AKIRIN2: variants seen among roughly 807,000 people sequenced by gnomAD.
AKIRIN2 encodes the protein akirin 2, also known as akirin-2.
In AKIRIN2, 6 loss-of-function variants were observed where a neutral mutation model predicts 29.3. The observed-to-expected ratio is 0.20, with a 90% CI of 0.11 to 0.40. The LOEUF (loss-of-function observed/expected upper bound fraction) is 0.40, where lower values mean the gene tolerates loss of function less well. Ranked by LOEUF, AKIRIN2 falls within the 10% of genes least tolerant of loss-of-function variation. AKIRIN2 has a pLI of 1.00. For synonymous variants in AKIRIN2, 128 were observed against 117.5 expected (o/e 1.09, Z -0.58); for missense variants, 210 against 276.1 (o/e 0.76, Z 1.70).
rs771548283 is a variant in AKIRIN2 at position 87,675,819 on chromosome 6, G to C, written c.601+41C>G. 3.2e-6 allele frequency: 5 copies of C among 1,559,844 alleles called. No individual in the cohort carries two copies. The African/African-American group carries it at 5.5e-5, about 17-fold the overall frequency. ...TATAATGTCTTCTCCTTAAAAGACA[G>C]TCTTATTTTCAGTTTATAACTTCAA... On this transcript the variant is annotated intron_variant, in intron 4 of 4. Coordinates refer to ENST00000257787, the MANE Select transcript of AKIRIN2 (RefSeq NM_018064.4).
intron 1 of AKIRIN2, among the ~76,000 whole-genome samples, chr6:87,699,111 A>G (rs1771418316): frequency 6.6e-6 from 1 of 152,186 alleles, no homozygotes; most frequent in Non-Finnish European, 1.5e-5. Flanking sequence ...TACTCATTTT[A>G]GTTAATGACA....
chr6:87,691,490 T>TA (rs1771278139), intron 1 of AKIRIN2, among the ~76,000 whole-genome samples: 2 of 118,804 alleles, frequency 1.7e-5, no homozygotes, highest in South Asian at 5.8e-4. Context: ...TGGCTGCAAC[T>TA]AAAGAGGAAC....
Position 87,677,331 on chromosome 6 carries a change from T to A in AKIRIN2, c.529+487A>T, listed in dbSNP as rs150787890. Among the ~76,000 whole-genome samples the A allele has an allele frequency of 6.0e-3, 921 of 152,292 alleles. 2 individuals are homozygous for A. The highest frequency in any genetic ancestry group is 0.023 in the South Asian group (113 of 4,826). ...TAAAATAAAAAAGCTTACATATCTATATAAACAGTAAATCTGTGGCTAAAC... is the reference window on the plus strand; with the variant it reads ...TAAAATAAAAAAGCTTACATATCTAAATAAACAGTAAATCTGTGGCTAAAC... On this transcript the variant is annotated intron_variant, in intron 3 of 4. Coordinates refer to ENST00000257787, the MANE Select transcript of AKIRIN2 (RefSeq NM_018064.4).
At chr6:87,694,483 C>CT (rs1771328191) in intron 1 of AKIRIN2, among the ~76,000 whole-genome samples, 1 of 152,120 alleles carries the variant, frequency 6.6e-6, no homozygotes. Context: ...CTAGCCAGTG[C>CT]AGTATCTAGA....
intron 2 of AKIRIN2, 113 bp downstream of exon 2, chr6:87,681,507 T>A: frequency 9.5e-7 from 1 of 1,054,804 alleles, no homozygotes; most frequent in Non-Finnish European, 1.3e-6. Context: ...CTTGTATAAA[T>A]GTTTTTTTAA....
chr6:87,689,977 C>T (rs1480376304), intron 1 of AKIRIN2, among the ~76,000 whole-genome samples: 1 of 152,116 alleles, frequency 6.6e-6, no homozygotes, highest in African/African-American at 2.4e-5. Flanking sequence ...TTTGGGAGGC[C>T]AAGGCAGTTG....
chr6:87,675,943 G>A lies in AKIRIN2; in HGVS notation c.530-12C>T, dbSNP rs750060522. 3 of 1,602,426 alleles carry A rather than the reference G, an allele frequency of 1.9e-6. No individual in the cohort carries two copies. The highest frequency in any genetic ancestry group is 1.1e-5 in the South Asian group (1 of 88,286). Reference sequence around the variant, plus strand: ...CGCATCATATTGTTCTATAAATAAAGGTACTTGTCAATTACATTTGTAAAA... The same window carrying A: ...CGCATCATATTGTTCTATAAATAAAAGTACTTGTCAATTACATTTGTAAAA... On this transcript the variant is annotated splice_polypyrimidine_tract_variant and intron_variant, in intron 3 of 4. Coordinates refer to ENST00000257787, the MANE Select transcript of AKIRIN2 (RefSeq NM_018064.4).
chr6:87,676,596 A>AACACACGCACGCGCGCACACACACAC (rs1485678233), intron 3 of AKIRIN2, among the ~76,000 whole-genome samples: 11 of 142,046 alleles, frequency 7.7e-5, no homozygotes, highest in African/African-American at 2.7e-4. Context: ...CTCTACTAAA[A>AACACACGCACGCGCGCACACACACAC]ACACACACAC....
At chr6:87,686,659 T>C (rs142169121) in intron 1 of AKIRIN2, among the ~76,000 whole-genome samples, 1 of 152,226 alleles carries the variant, frequency 6.6e-6, no homozygotes, top group African/African-American at 2.4e-5. Context: ...TACCATTTTA[T>C]AGGTCAATAC....
intron 1 of AKIRIN2, among the ~76,000 whole-genome samples, chr6:87,694,692 T>C (rs868099505): frequency 2.0e-5 from 3 of 152,108 alleles, no homozygotes; most frequent in Non-Finnish European, 4.4e-5. Flanking sequence ...CTGTGACACT[T>C]GTGACAGATA....
chr6:87,680,197 GC>G (rs972550501), intron 2 of AKIRIN2, among the ~76,000 whole-genome samples: 1 of 151,716 alleles, frequency 6.6e-6, no homozygotes, highest in African/African-American at 2.4e-5. Context: ...CTAATACCTG[GC>G]CCCCACAATG....
At chr6:87,693,493 G>A (rs920802836) in intron 1 of AKIRIN2, among the ~76,000 whole-genome samples, 1 of 152,098 alleles carries the variant, frequency 6.6e-6, no homozygotes. Flanking sequence ...ACTGTGGCAG[G>A]CCCAGACGGG....
chr6:87,687,343 G>T (rs574356823), intron 1 of AKIRIN2, among the ~76,000 whole-genome samples: 29 of 146,312 alleles, frequency 2.0e-4, no homozygotes, highest in African/African-American at 6.6e-4. Context: ...GGGAGTTCGA[G>T]ACCAGCCTGA....
chr6:87,676,291 C>T (rs2787888), intron 3 of AKIRIN2, among the ~76,000 whole-genome samples: 10,671 of 148,370 alleles, frequency 0.072, 395 homozygotes, highest in South Asian at 0.079. Flanking sequence ...GGTGAAACCC[C>T]ATCTCTACTA....
At chr6:87,686,170 A>G (rs1342101533) in intron 1 of AKIRIN2, among the ~76,000 whole-genome samples, 1 of 152,110 alleles carries the variant, frequency 6.6e-6, no homozygotes, top group Admixed American at 6.6e-5. Context: ...AGCTGAGATC[A>G]TGCCACTGCA....
At chr6:87,688,275 G>A (rs1162124002) in intron 1 of AKIRIN2, among the ~76,000 whole-genome samples, 1 of 151,976 alleles carries the variant, frequency 6.6e-6, no homozygotes, top group Non-Finnish European at 1.5e-5. Context: ...GGGATTACAG[G>A]TGCCCGCCAC....
At chr6:87,679,137 GA>G (rs34554650) in intron 2 of AKIRIN2, among the ~76,000 whole-genome samples, 195 of 84,144 alleles carry the variant, frequency 2.3e-3, no homozygotes, top group African/African-American at 4.5e-3. Context: ...CTTCATCTCA[GA>G]AAAAAAAAAA....
intron 1 of AKIRIN2, among the ~76,000 whole-genome samples, chr6:87,701,207 C>T (rs1326353984): frequency 6.6e-6 from 1 of 152,088 alleles, no homozygotes. Context: ...CTACCCAATA[C>T]GGGCAAGGCA....
At position 87,681,632 on chromosome 6, in the gene AKIRIN2, G is replaced by A. The variant is rs779388400; in HGVS notation, c.367C>T (p.Pro123Ser). The change falls in exon 2 of 5, where the codon CCA (proline) becomes TCA (serine). Residue 123 changes from proline to serine, a missense_variant. Pro to Ser is a moderately conservative substitution (Grantham distance 74). Coordinates refer to ENST00000257787, the MANE Select transcript of AKIRIN2 (RefSeq NM_018064.4). ...AQPHAFLLSGPASPGTSSAAS... is the reference protein window; with the variant it reads ...AQPHAFLLSGSASPGTSSAAS... ...GAAATGTTATTACCTGGTGAAGCTGGTCCACTGAGGAGAAATGCATGTGGC... is the reference window on the plus strand; with the variant it reads ...GAAATGTTATTACCTGGTGAAGCTGATCCACTGAGGAGAAATGCATGTGGC... The A allele has an allele frequency of 6.2e-7, 1 of 1,606,606 alleles. No homozygotes were observed. The highest frequency in any genetic ancestry group is 8.5e-7 in the Non-Finnish European group (1 of 1,178,222).
Sources: allele counts gnomAD v4.1 joint callset (sites outside exome capture counted in the v4.1 genomes callset), GRCh38; gene constraint gnomAD v4.1.1; transcripts MANE v1.5; gene names NCBI Gene and HGNC (gene_info 2026-07-23, HGNC 2026-07-21).